Variants in MYO9B observed in about 807,000 individuals in gnomAD.
The protein encoded by MYO9B is myosin IXB, also known as unconventional myosin-IXb.
A neutral mutation model predicts 229.5 loss-of-function variants in MYO9B; 71 were observed. The observed-to-expected ratio is 0.31, with a 90% CI of 0.26 to 0.38. MYO9B has a LOEUF of 0.38. Among genes scored for constraint, MYO9B ranks in the 10% least tolerant of loss-of-function variants. The pLI is 1.00. For missense variants in MYO9B, 2,255 were observed against 2,920.5 expected, an observed-to-expected ratio of 0.77 and a Z score of 5.25; for synonymous variants, 1,185 against 1,235.8, an observed-to-expected ratio of 0.96 and a Z score of 0.86.
At position 17,162,437 on chromosome 19, in the gene MYO9B, A is replaced by G; in HGVS notation, c.1507A>G (p.Asn503Asp). The G allele has an allele frequency of 6.3e-7, 1 of 1,578,094 alleles. No individual in the cohort carries two copies. The highest frequency in any genetic ancestry group is 8.6e-7 in the Non-Finnish European group (1 of 1,163,178). The change falls in exon 9 of 40, where the codon AAC (asparagine) becomes GAC (aspartate). Residue 503 changes from asparagine to aspartate, a missense_variant. Physicochemically the swap from Asn to Asp is conservative, Grantham distance 23. Transcript: ENST00000682292. ...GCTGCGGATCAACCACGCACTCCTC[A>G]ACAAGAAGGACGTGGAAGAGGCAGT... ...IVLRINHALL[N>D]KKDVEEAVSC...
rs2057753774 is a variant in MYO9B, at chr19:17,102,401, G to A, written c.684G>A (p.Arg228=). 6.2e-7 allele frequency: 1 copy of A among 1,614,008 alleles called. No homozygotes were observed. Among genetic ancestry groups the A allele is most frequent in the Non-Finnish European group, 8.5e-7 (1 of 1,179,902 alleles). ...ACGTGGCCTACTACACCATGCTCAG[G>A]AAGCGCGTGAACCAGTGCATCGTGA... is the stretch of plus-strand genomic sequence containing the variant. ...LADVAYYTML[R]KRVNQCIVIS... The change falls in exon 2 of 40, where the codon AGG becomes AGA. Residue 228 remains arginine (R), a synonymous_variant. Coordinates refer to ENST00000682292, the MANE Select transcript of MYO9B (RefSeq NM_004145.4).
chr19:17,181,025 C>A lies in MYO9B; in HGVS notation c.2318C>A (p.Pro773His). 6.2e-7 allele frequency: 1 copy of A among 1,610,014 alleles called. No individual in the cohort carries two copies. Among genetic ancestry groups the A allele is most frequent in the Non-Finnish European group, 8.5e-7 (1 of 1,178,090 alleles). ...CAGTCCCTCAGTCGGCTCCAGAAAC[C>A]CCGCGCCTTCATCCTGTGAGTCCCC... is the stretch of plus-strand genomic sequence containing the variant. ...LLQSLSRLQKPRAFILKSKGI... is the reference protein window; with the variant it reads ...LLQSLSRLQKHRAFILKSKGI... Residue 773 changes from proline (P) to histidine (H), a missense_variant, in exon 15 of 40, where the codon CCC (proline) becomes CAC (histidine). Around this residue, in one of 7 missense-constraint regions of MYO9B, gnomAD observed 155 missense variants for 159.1 expected, o/e 0.97. Coordinates refer to ENST00000682292, the MANE Select transcript of MYO9B (RefSeq NM_004145.4).
intron 38 of MYO9B, among the ~76,000 whole-genome samples, chr19:17,211,334 C>T (rs993197118): frequency 6.6e-6 from 1 of 152,122 alleles, no homozygotes; most frequent in South Asian, 2.1e-4. Context: ...TGCAGTGGTG[C>T]GATCACGGTT....
intron 21 of MYO9B, 113 bp from the exon 22 acceptor site, chr19:17,194,443 G>A: frequency 8.3e-7 from 1 of 1,202,002 alleles, no homozygotes; most frequent in South Asian, 1.4e-5. Flanking sequence ...GGGCCACTGG[G>A]CACAGGCGAA....
At chr19:17,184,596 C>T in intron 16 of MYO9B, 1 of 401,410 alleles carries the variant, frequency 2.5e-6, no homozygotes, top group Non-Finnish European at 4.6e-6. Context: ...CTCTCTAACC[C>T]AGAGGAAGAG....
At chr19:17,154,177 C>A in intron 5 of MYO9B, 111 bp downstream of exon 5, 2 of 1,330,760 alleles carry the variant, frequency 1.5e-6, no homozygotes. Flanking sequence ...GAACCCGCTC[C>A]CAGAAGGCAG....
Position 17,151,151 on chromosome 19 carries a change from C to T in MYO9B, c.936-1493C>T, listed in dbSNP as rs557971386. Among the ~76,000 whole-genome samples the T allele has an allele frequency of 1.3e-3, 196 of 152,000 alleles. 1 individual carries two copies. The highest frequency in any genetic ancestry group is 4.3e-3 in the African/African-American group (180 of 41,448). On this transcript the variant is annotated intron_variant, in intron 3 of 39. Transcript: ENST00000682292. ...AAAATTAACTGGGCGTGGTGGTGGG[C>T]GCCTGTAATCTCAGCTACTGGAAGG... is the stretch of plus-strand genomic sequence containing the variant.
intron 2 of MYO9B, chr19:17,103,542 C>G (rs1568663105): frequency 6.6e-6 from 1 of 152,410 alleles, no homozygotes; most frequent in Non-Finnish European, 1.5e-5. Flanking sequence ...CCCTTGTTGT[C>G]AGGTGCCAGG....
chr19:17,093,527 C>T (rs1007382377), intron 1 of MYO9B, among the ~76,000 whole-genome samples: 1 of 152,118 alleles, frequency 6.6e-6, no homozygotes, highest in African/African-American at 2.4e-5. Flanking sequence ...ACCTGACGTA[C>T]CTTTAGATTT....
rs747998041 is a variant in MYO9B at position 17,183,870 on chromosome 19, T to TAA, written c.2373+12_2373+13dup. 6.5e-5 allele frequency: 79 copies of TAA among 1,215,600 alleles called. No homozygotes were observed. Among genetic ancestry groups the TAA allele is most frequent in the African/African-American group, 4.7e-4 (30 of 64,024 alleles). 75.3% of individuals were successfully genotyped at this position (1,215,600 alleles called of 1,614,324 possible). On this transcript the variant is annotated splice_region_variant and intron_variant, in intron 16 of 39. Coordinates refer to ENST00000682292, the MANE Select transcript of MYO9B (RefSeq NM_004145.4). ...AAACAAAAGCAGATCATTCCAAAGG[T>TAA]AAAAAAAAAAACACACCCCGCGCGA...
intron 14 of MYO9B, among the ~76,000 whole-genome samples, chr19:17,180,346 T>C (rs1159039653): frequency 1.7e-5 from 2 of 119,198 alleles, no homozygotes; most frequent in Non-Finnish European, 1.8e-5. Flanking sequence ...AAATAATTTT[T>C]TTTTTTTTTT....
At position 17,184,870 on chromosome 19, in the gene MYO9B, A is replaced by C. The variant is rs762881108; in HGVS notation, c.2379A>C (p.Leu793=). 6.2e-7 allele frequency: 1 copy of C among 1,613,758 alleles called. No homozygotes were observed. Among genetic ancestry groups the C allele is most frequent in the South Asian group, 1.1e-5 (1 of 91,088 alleles). ...ACCCCATGTGTCTGTCCTAGAACCT[A>C]CTGGACTCCAAGTCCCTGAAACTCA... ...IKQKQIIPKN[L]LDSKSLKLII... Residue 793 remains leucine (L), a synonymous_variant, in exon 17 of 40, where the codon CTA becomes CTC. Coordinates refer to ENST00000682292, the MANE Select transcript of MYO9B (RefSeq NM_004145.4).
At chr19:17,127,572 G>A (rs748381610) in intron 2 of MYO9B, among the ~76,000 whole-genome samples, 4 of 152,068 alleles carry the variant, frequency 2.6e-5, no homozygotes, top group Non-Finnish European at 4.4e-5. Context: ...CAAGTGATCC[G>A]CCCTCCTTGG....
intron 1 of MYO9B, among the ~76,000 whole-genome samples, chr19:17,081,520 G>C (rs955615209): frequency 2.0e-5 from 3 of 152,084 alleles, no homozygotes; most frequent in Non-Finnish European, 1.5e-5. Context: ...ACTAAAGAGA[G>C]GTGAGAGGCC....
chr19:17,184,327 CTG>C (rs1179398538), intron 16 of MYO9B, among the ~76,000 whole-genome samples: 1 of 152,214 alleles, frequency 6.6e-6, no homozygotes, highest in Non-Finnish European at 1.5e-5. Flanking sequence ...CCCAAGCGCT[CTG>C]TCTCGTTTCC....
intron 1 of MYO9B, among the ~76,000 whole-genome samples, chr19:17,097,702 C>T (rs531671832): frequency 6.6e-6 from 1 of 152,280 alleles, no homozygotes; most frequent in South Asian, 2.1e-4. Flanking sequence ...CAGCCTCAGC[C>T]CTTCTAACAC....
At chr19:17,132,411 C>T (rs55792743) in intron 2 of MYO9B, among the ~76,000 whole-genome samples, 26,837 of 146,676 alleles carry the variant, frequency 0.18, 2,667 homozygotes, top group East Asian at 0.3. Context: ...GGTCTTGAAC[C>T]CCTGACCTCA....
At chr19:17,157,255 C>T in intron 7 of MYO9B, 1 of 528,008 alleles carries the variant, frequency 1.9e-6, no homozygotes, top group Non-Finnish European at 3.2e-6. Flanking sequence ...GTGAAAGCCT[C>T]TTTAAAACTA....
intron 3 of MYO9B, among the ~76,000 whole-genome samples, chr19:17,147,313 T>G (rs558152409): frequency 4.6e-5 from 7 of 151,696 alleles, no homozygotes; most frequent in African/African-American, 1.7e-4. Context: ...GAGGCCGAGG[T>G]GGGTGGATCA....
Sources: gnomAD v4.1 joint callset for allele counts (sites outside exome capture counted in the v4.1 genomes callset) on GRCh38, gnomAD v4.1.1 for gene constraint, gnomAD v4.1.1 regional missense constraint, MANE v1.5 for transcripts, NCBI Gene and HGNC (gene_info 2026-07-23, HGNC 2026-07-21) for gene names.